LOC128462377: variants seen among roughly 807,000 people sequenced by gnomAD.
the LOC128462377 span, among the ~76,000 whole-genome samples, chr16:89,356,753 C>G: frequency 6.8e-6 from 1 of 147,596 alleles, no homozygotes; most frequent in Non-Finnish European, 1.5e-5. Context: ...TGCACTCTAG[C>G]CTGGGCGACA....
the LOC128462377 span, among the ~76,000 whole-genome samples, chr16:89,390,022 G>A: frequency 4.7e-5 from 4 of 84,608 alleles, no homozygotes; most frequent in Admixed American, 1.2e-4. Context: ...GGCGAACACC[G>A]AGTGTGACGG....
chr16:89,346,717 G>T, the LOC128462377 span, among the ~76,000 whole-genome samples: 3 of 152,154 alleles, frequency 2.0e-5, no homozygotes, highest in African/African-American at 7.2e-5. Context: ...CAGCAAGGTG[G>T]GAGATCCAGG....
At chr16:89,337,007 CAAAAAAAAAAAAAAAA>C in the LOC128462377 span, among the ~76,000 whole-genome samples, 1 of 47,730 alleles carries the variant, frequency 2.1e-5, no homozygotes. Flanking sequence ...CTGGCTCTAC[CAAAAAAAAAAAAAAAA>C]AAAAAAAAAA....
chr16:89,399,040 C>CAA, the LOC128462377 span, among the ~76,000 whole-genome samples: 4 of 152,150 alleles, frequency 2.6e-5, no homozygotes, highest in African/African-American at 9.7e-5. Context: ...ACGCAGTTTC[C>CAA]AAGCAAGGCA....
the LOC128462377 span, among the ~76,000 whole-genome samples, chr16:89,405,491 ATTTTTTT>A: frequency 4.5e-5 from 5 of 111,458 alleles, no homozygotes; most frequent in East Asian, 7.4e-4. Context: ...CACCTGGCTC[ATTTTTTT>A]TTTTTTTTTT....
chr16:89,355,174 T>C, the LOC128462377 span, among the ~76,000 whole-genome samples: 2 of 152,168 alleles, frequency 1.3e-5, no homozygotes, highest in Middle Eastern at 3.4e-3. Flanking sequence ...CATACTCCCA[T>C]CCCAGGCGAA....
At chr16:89,324,656 C>A in the LOC128462377 span, 1 of 379,804 alleles carries the variant, frequency 2.6e-6, no homozygotes, top group South Asian at 2.0e-5. Context: ...CTCCATCTTT[C>A]TTCCATGCTG....
chr16:89,335,157 G>A, the LOC128462377 span, among the ~76,000 whole-genome samples: 1 of 152,190 alleles, frequency 6.6e-6, no homozygotes, highest in African/African-American at 2.4e-5. Flanking sequence ...GGCCTGTGGG[G>A]GCACTGTGGA....
the LOC128462377 span, among the ~76,000 whole-genome samples, chr16:89,336,838 A>G: frequency 6.6e-6 from 1 of 152,126 alleles, no homozygotes. Context: ...TTAGAAAACA[A>G]CTGCAGGCCG....
At chr16:89,333,144 C>G in the LOC128462377 span, among the ~76,000 whole-genome samples, 1 of 152,224 alleles carries the variant, frequency 6.6e-6, no homozygotes, top group Non-Finnish European at 1.5e-5. Flanking sequence ...TCTGGGAACT[C>G]CAGTCAAAGA....
At chr16:89,362,270 G>A in the LOC128462377 span, among the ~76,000 whole-genome samples, 2 of 152,238 alleles carry the variant, frequency 1.3e-5, no homozygotes, top group Non-Finnish European at 2.9e-5. Context: ...CTCAGCGTAA[G>A]CAGCTCCCAC....
At chr16:89,358,753 C>A in the LOC128462377 span, among the ~76,000 whole-genome samples, 1 of 152,174 alleles carries the variant, frequency 6.6e-6, no homozygotes, top group Non-Finnish European at 1.5e-5. Flanking sequence ...CCCTAGATAA[C>A]CCCACGTGCA....
the LOC128462377 span, among the ~76,000 whole-genome samples, chr16:89,352,270 T>C: frequency 6.6e-6 from 1 of 151,972 alleles, no homozygotes; most frequent in East Asian, 1.9e-4. Flanking sequence ...TCCTAAGGAC[T>C]GGATCTCACA....
the LOC128462377 span, among the ~76,000 whole-genome samples, chr16:89,407,054 C>T: frequency 2.0e-5 from 3 of 152,072 alleles, no homozygotes; most frequent in Non-Finnish European, 4.4e-5. Context: ...GACATGGTGG[C>T]AGGCATCTGT....
chr16:89,330,114 T>C, the LOC128462377 span, among the ~76,000 whole-genome samples: 1 of 152,180 alleles, frequency 6.6e-6, no homozygotes, highest in African/African-American at 2.4e-5. Context: ...TATACTTGAA[T>C]GACATTAAAC....
At chr16:89,413,670 ACAAATC>A in the LOC128462377 span, among the ~76,000 whole-genome samples, 1 of 152,182 alleles carries the variant, frequency 6.6e-6, no homozygotes, top group African/African-American at 2.4e-5. Context: ...AGTGGCACCT[ACAAATC>A]CCTTACAGAC....
chr16:89,324,724 C>CCACCGAGAT, the LOC128462377 span: 4 of 311,026 alleles, frequency 1.3e-5, no homozygotes, highest in South Asian at 2.5e-5. Flanking sequence ...GGTTCTTGGA[C>CCACCGAGAT]CTACACCAGT....
At chr16:89,337,090 A>G in the LOC128462377 span, among the ~76,000 whole-genome samples, 1 of 149,740 alleles carries the variant, frequency 6.7e-6, no homozygotes, top group African/African-American at 2.5e-5. Flanking sequence ...GGAGGCTGAG[A>G]TGGGAGGATT....
chr16:89,350,337 C>G, the LOC128462377 span, among the ~76,000 whole-genome samples: 1 of 152,100 alleles, frequency 6.6e-6, no homozygotes, highest in African/African-American at 2.4e-5. Context: ...GAAAAGGTAC[C>G]ACATCCAGCC....
Sources: allele counts gnomAD v4.1 joint callset (sites outside exome capture counted in the v4.1 genomes callset), GRCh38; gene constraint gnomAD v4.1.1; transcripts MANE v1.5.